The following MGAT4D variants were observed in gnomAD, a reference collection of about 807,000 sequenced individuals.
The protein encoded by MGAT4D is MGAT4 family member D.
A neutral mutation model predicts 15.9 loss-of-function variants in MGAT4D; 34 were observed. The observed-to-expected ratio is 2.14, with a 90% CI of 1.62 to 2.84. The LOEUF (loss-of-function observed/expected upper bound fraction) is 2.84. MGAT4D is among the 30% of genes most tolerant of loss of function. MGAT4D has a pLI of 0.00. For synonymous variants in MGAT4D, 112 were observed against 48.2 expected (o/e 2.33, Z -5.49); for missense variants, 327 against 140.2 (o/e 2.33, Z -6.73).
rs1732214711 is a variant in MGAT4D at position 140,474,907 on chromosome 4, T to A, written c.431A>T (p.Asn144Ile). ...ALGISTVNRG[N>I]YSYLKQTLTS... ...CAGTGTCTGTTTCAGGTAACTATAA[T>A]TTCCTCTGTTAACAGTGGAAATACC... Residue 144 changes from asparagine (N) to isoleucine (I), a missense_variant, in exon 4 of 11, where the codon AAT (asparagine) becomes ATT (isoleucine). By Grantham distance (149) the Asn-to-Ile change is moderately radical. Transcript: ENST00000511113. 1.4e-6 allele frequency: 1 copy of A among 698,788 alleles called. No homozygotes were observed. The highest frequency in any genetic ancestry group is 2.6e-6 in the Non-Finnish European group (1 of 383,572). 43.3% of individuals were successfully genotyped at this position (698,788 alleles called of 1,614,324 possible).
intron 9 of MGAT4D, among the ~76,000 whole-genome samples, chr4:140,451,847 A>G (rs1273062848): frequency 1.3e-5 from 2 of 152,154 alleles, no homozygotes; most frequent in Non-Finnish European, 2.9e-5. Flanking sequence ...TATCTGTCAG[A>G]CTACAGCATT....
At chr4:140,450,171 T>C in intron 10 of MGAT4D, 1 of 311,158 alleles carries the variant, frequency 3.2e-6, no homozygotes, top group Non-Finnish European at 5.8e-6. Context: ...TGACATATTA[T>C]TAAATTGTTA....
At chr4:140,464,790 C>G (rs759044297) in intron 6 of MGAT4D, 106 bp downstream of exon 6, 2 of 632,494 alleles carry the variant, frequency 3.2e-6, no homozygotes, top group Non-Finnish European at 5.7e-6. Context: ...TAGAAGCCAG[C>G]TCCAGAACAC....
chr4:140,480,241 AAAAGACAGTTGATAAAG>A (rs1732610741), intron 2 of MGAT4D, among the ~76,000 whole-genome samples: 1 of 152,200 alleles, frequency 6.6e-6, no homozygotes, highest in Non-Finnish European at 1.5e-5. Context: ...TTGAATGCAG[AAAAGACAGTTGATAAAG>A]GTGTTTGAAC....
intron 9 of MGAT4D, among the ~76,000 whole-genome samples, chr4:140,451,994 CAA>C (rs34218902): frequency 0.71 from 102,579 of 144,894 alleles, 37,059 homozygotes; most frequent in Non-Finnish European, 0.79. Context: ...ATAATTTTCT[CAA>C]AAAAAAAAAA....
At chr4:140,448,771 C>T (rs1730288675) in intron 10 of MGAT4D, among the ~76,000 whole-genome samples, 1 of 152,226 alleles carries the variant, frequency 6.6e-6, no homozygotes, top group African/African-American at 2.4e-5. Context: ...GGACAGAAGA[C>T]ACTCTGGTCA....
intron 5 of MGAT4D, among the ~76,000 whole-genome samples, chr4:140,470,704 CCT>C (rs924773060): frequency 8.5e-5 from 13 of 152,282 alleles, no homozygotes; most frequent in South Asian, 4.1e-4. Context: ...ACATTTTCCC[CCT>C]GTCTGCCTGA....
At chr4:140,462,902 A>G (rs1252649269) in intron 6 of MGAT4D, among the ~76,000 whole-genome samples, 1 of 152,178 alleles carries the variant, frequency 6.6e-6, no homozygotes, top group Non-Finnish European at 1.5e-5. Flanking sequence ...GTTTGCTTCA[A>G]GAAACACTGC....
Position 140,451,520 on chromosome 4 carries a change from G to A in MGAT4D, c.1009-3C>T. 1 of 532,714 alleles carries A rather than the reference G, an allele frequency of 1.9e-6. No homozygotes were observed. Among genetic ancestry groups the A allele is most frequent in the Non-Finnish European group, 3.4e-6 (1 of 293,518 alleles). The allele number at this position is 532,714 out of a possible 1,614,324, so 33.0% of individuals were successfully genotyped here. On this transcript the variant is annotated splice_polypyrimidine_tract_variant and splice_region_variant and intron_variant, in intron 9 of 10. Coordinates refer to ENST00000511113, the MANE Select transcript of MGAT4D (RefSeq NM_001277353.2). ...TTCTTTCGTTTCATACAGTTTCTCT[G>A]GGGAAAAAGAAACAACAATCTTCTG...
intron 9 of MGAT4D, among the ~76,000 whole-genome samples, chr4:140,454,170 T>C (rs1730647509): frequency 6.6e-6 from 1 of 152,090 alleles, no homozygotes; most frequent in South Asian, 2.1e-4. Context: ...AGGATGGACA[T>C]GGTTATTTTT....
intron 1 of MGAT4D, among the ~76,000 whole-genome samples, chr4:140,495,656 C>G (rs898593152): frequency 6.6e-6 from 1 of 152,142 alleles, no homozygotes; most frequent in Non-Finnish European, 1.5e-5. Context: ...AAATTATGAA[C>G]TGTTAATACT....
intron 1 of MGAT4D, 64 bp from the exon 2 acceptor site, chr4:140,482,549 T>C (rs1448829596): frequency 1.8e-6 from 1 of 555,304 alleles, no homozygotes; most frequent in Non-Finnish European, 3.1e-6. Context: ...TTTTCTATAA[T>C]AGGTAAGAAT....
Position 140,479,557 on chromosome 4 carries a change from A to G in MGAT4D, c.324T>C (p.Phe108=), listed in dbSNP as rs1324754528. ...VSNTFEDLKF[F]FPHLRKEGRI... ...TACCTTCTTTCCTTAGATGAGGAAA[A>G]AAGAACTTTAAGTCTTCAAATGTAT... Residue 108 remains phenylalanine, a synonymous_variant, in exon 3 of 11, where the codon TTT becomes TTC. Coordinates refer to ENST00000511113, the MANE Select transcript of MGAT4D (RefSeq NM_001277353.2). 3.6e-6 allele frequency: 2 copies of G among 556,336 alleles called. No individual in the cohort carries two copies. Among genetic ancestry groups the G allele is most frequent in the Non-Finnish European group, 6.4e-6 (2 of 313,756 alleles). The allele number at this position is 556,336 out of a possible 1,614,324, so 34.5% of individuals were successfully genotyped here. A position where few individuals can be genotyped will look rare whatever the true frequency, so the allele number is the denominator to read the frequency against.
In MGAT4D at chr4:140,461,912, C is replaced by T. The variant is rs1436021414; in HGVS notation, c.762+17G>A. On this transcript the variant is annotated intron_variant, in intron 7 of 10. Transcript: ENST00000511113. ...ACACACACACACACACACACACACA[C>T]ACACACAATTTCTGACCTGTAAATA... is the stretch of plus-strand genomic sequence containing the variant. The T allele has an allele frequency of 1.0e-5, 7 of 696,382 alleles. No homozygotes were observed. Among genetic ancestry groups the T allele is most frequent in the South Asian group, 1.5e-5 (1 of 66,162 alleles). The allele number at this position is 696,382 out of a possible 1,614,324, so 43.1% of individuals were successfully genotyped here.
chr4:140,445,010 T>C (rs375622694), intron 10 of MGAT4D, among the ~76,000 whole-genome samples: 2 of 152,094 alleles, frequency 1.3e-5, no homozygotes, highest in East Asian at 3.9e-4. Context: ...GCCTCCCAAG[T>C]AGCTGGAATT....
Position 140,458,630 on chromosome 4 carries a change from T to C in MGAT4D, c.877+882A>G, listed in dbSNP as rs191944671. ...TGACCATCATTATGCAGCACTTATG[T>C]AGCAGTAAAAAACCAATAAACTAAA... On this transcript the variant is annotated intron_variant, in intron 8 of 10. Coordinates refer to ENST00000511113, the MANE Select transcript of MGAT4D (RefSeq NM_001277353.2). 90 of 152,296 alleles carry C rather than the reference T, an allele frequency of 5.9e-4. 1 individual carries two copies. Among genetic ancestry groups the C allele is most frequent in the African/African-American group, 2.1e-3 (87 of 41,564 alleles). The allele number at this position is 152,296 out of a possible 1,614,324, so 9.4% of individuals were successfully genotyped here.
At chr4:140,488,197 G>A (rs965956474) in intron 1 of MGAT4D, among the ~76,000 whole-genome samples, 2 of 152,118 alleles carry the variant, frequency 1.3e-5, no homozygotes, top group Non-Finnish European at 2.9e-5. Flanking sequence ...TACTTGCCCT[G>A]GTCTACCAGG....
intron 10 of MGAT4D, among the ~76,000 whole-genome samples, chr4:140,446,936 A>C (rs1330515044): frequency 6.6e-6 from 1 of 151,194 alleles, no homozygotes; most frequent in Non-Finnish European, 1.5e-5. Context: ...AGAACTTCTT[A>C]ATTTCTGCCT....
intron 8 of MGAT4D, 98 bp from the exon 9 acceptor site, chr4:140,456,817 C>T: frequency 1.9e-6 from 1 of 517,970 alleles, no homozygotes; most frequent in Admixed American, 3.5e-5. Flanking sequence ...TTAAATATGT[C>T]CCATTCCTTA....
Sources: allele counts gnomAD v4.1 joint callset (sites outside exome capture counted in the v4.1 genomes callset), GRCh38; gene constraint gnomAD v4.1.1; transcripts MANE v1.5; gene names NCBI Gene and HGNC (gene_info 2026-07-23, HGNC 2026-07-21).